FBXL4: variants seen among roughly 807,000 people sequenced by gnomAD.
FBXL4 encodes the protein F-box and leucine rich repeat protein 4, also known as F-box/LRR-repeat protein 4.
Under a neutral mutation model 58.9 loss-of-function variants are expected in FBXL4, and 40 were observed. The ratio of observed to expected loss-of-function variants is 0.68; its 90% CI spans 0.53 to 0.88. FBXL4 has a LOEUF of 0.88. FBXL4 is among the 40% of genes least tolerant of loss of function. FBXL4 has a pLI of 0.00. For synonymous variants in FBXL4, 263 were observed against 265.5 expected (o/e 0.99, Z 0.09); for missense variants, 676 against 734.4 (o/e 0.92, Z 0.92).
In FBXL4 at chr6:98,926,895, T is replaced by C. The variant is rs1772805623; in HGVS notation, c.94A>G (p.Met32Val). 2 of 1,614,082 alleles carry C rather than the reference T, an allele frequency of 1.2e-6. No individual in the cohort carries two copies. Among genetic ancestry groups the C allele is most frequent in the African/African-American group, 2.7e-5 (2 of 74,932 alleles). ...GATTCTATAGCTCTATGGGTGTTCA[T>C]CATTTCTCCTCTTGTAGCTGTCCTG... ...RARTATRGEM[M>V]NTHRAIESNS... Residue 32 changes from methionine to valine, a missense_variant, in exon 4 of 10, where the codon ATG becomes GTG. Met to Val is a conservative substitution (Grantham distance 21, BLOSUM62 1). Transcript: ENST00000369244.
chr6:98,886,414 T>C (rs565938935), intron 7 of FBXL4, among the ~76,000 whole-genome samples: 123 of 152,336 alleles, frequency 8.1e-4, no homozygotes, highest in African/African-American at 2.9e-3. Context: ...TTAGTAATCC[T>C]GTGTCCAATT....
intron 1 of FBXL4, among the ~76,000 whole-genome samples, chr6:98,939,805 C>T (rs1028407165): frequency 6.6e-6 from 1 of 152,186 alleles, no homozygotes; most frequent in South Asian, 2.1e-4. Flanking sequence ...ATGAAAAATA[C>T]GTGAGAATCA....
chr6:98,897,099 T>C (rs1771436628), intron 7 of FBXL4: 18 of 982,958 alleles, frequency 1.8e-5, no homozygotes, highest in Non-Finnish European at 2.2e-5. Flanking sequence ...AAAGGCTCAT[T>C]TAATAACTAC....
rs995708161 is a variant in FBXL4 at position 98,917,655 on chromosome 6, G to C, written c.577C>G (p.Pro193Ala). 5.0e-6 allele frequency: 8 copies of C among 1,613,082 alleles called. No individual in the cohort carries two copies. Among genetic ancestry groups the C allele is most frequent in the Non-Finnish European group, 8.5e-7 (1 of 1,179,618 alleles). ...VNASQARQFK[P>A]CIKQINFPTN... ...GGGAAATTTATCTGCTTAATACAAG[G>C]TTTAAACTGGCGAGCTTGGGAAGCA... Residue 193 changes from proline to alanine, a missense_variant, in exon 5 of 10, where the codon CCT (proline) becomes GCT (alanine). Transcript: ENST00000369244.
At chr6:98,943,162 T>C (rs1773494994) in intron 1 of FBXL4, among the ~76,000 whole-genome samples, 1 of 151,994 alleles carries the variant, frequency 6.6e-6, no homozygotes, top group African/African-American at 2.4e-5. Flanking sequence ...TTACCATAGG[T>C]GGAAACTGGG....
chr6:98,942,926 A>C (rs1276488787), intron 1 of FBXL4, among the ~76,000 whole-genome samples: 4 of 152,144 alleles, frequency 2.6e-5, no homozygotes, highest in Non-Finnish European at 5.9e-5. Context: ...ACTAGATTAA[A>C]TTGTCCTATT....
chr6:98,878,288 A>C (rs1407483851), intron 8 of FBXL4, among the ~76,000 whole-genome samples: 1 of 152,230 alleles, frequency 6.6e-6, no homozygotes, highest in African/African-American at 2.4e-5. Flanking sequence ...ATATAGAAAA[A>C]TGAGTTCAGT....
intron 7 of FBXL4, among the ~76,000 whole-genome samples, chr6:98,890,825 A>T (rs1771200349): frequency 6.6e-6 from 1 of 152,164 alleles, no homozygotes; most frequent in African/African-American, 2.4e-5. Context: ...AGGCTGCAGC[A>T]GGAGAATTGC....
At chr6:98,927,893 T>G (rs1443216824) in intron 2 of FBXL4, 71 bp from the exon 3 acceptor site, 2 of 152,218 alleles carry the variant, frequency 1.3e-5, no homozygotes, top group Admixed American at 1.3e-4. Context: ...AAATTATAAA[T>G]AGCCACTTAT....
At chr6:98,902,985 A>T (rs1340272197) in intron 6 of FBXL4, among the ~76,000 whole-genome samples, 2 of 152,140 alleles carry the variant, frequency 1.3e-5, no homozygotes, top group East Asian at 3.9e-4. Flanking sequence ...AACAATTCTT[A>T]AAAAGTTATT....
intron 7 of FBXL4, 23 bp downstream of exon 7, chr6:98,899,245 T>C (rs201790116): frequency 8.1e-6 from 13 of 1,609,318 alleles, no homozygotes; most frequent in Non-Finnish European, 2.5e-6. Context: ...ATAGCAATGA[T>C]GAAAATTATG....
chr6:98,921,162 T>C (rs1156255619), intron 4 of FBXL4, among the ~76,000 whole-genome samples: 2 of 152,254 alleles, frequency 1.3e-5, no homozygotes, highest in Non-Finnish European at 2.9e-5. Flanking sequence ...TTTCTGTTGA[T>C]TGTACTGGAT....
intron 8 of FBXL4, 85 bp from the exon 9 acceptor site, chr6:98,875,812 C>T (rs1770642421): frequency 1.5e-6 from 2 of 1,335,878 alleles, no homozygotes; most frequent in East Asian, 4.6e-5. Context: ...TAATTATAAC[C>T]TATTGCTTTG....
intron 1 of FBXL4, among the ~76,000 whole-genome samples, chr6:98,941,440 G>T (rs2128413010): frequency 6.6e-6 from 1 of 152,214 alleles, no homozygotes; most frequent in East Asian, 1.9e-4. Flanking sequence ...AACCACAAAG[G>T]GGCCACACAA....
At chr6:98,944,916 C>G (rs1336969145) in intron 1 of FBXL4, among the ~76,000 whole-genome samples, 1 of 152,048 alleles carries the variant, frequency 6.6e-6, no homozygotes, top group African/African-American at 2.4e-5. Flanking sequence ...GGCTACCGTT[C>G]CTGTTGTGCT....
Position 98,926,547 on chromosome 6 carries a change from G to A in FBXL4, c.442C>T (p.Pro148Ser), listed in dbSNP as rs781254899. 2 of 1,613,992 alleles carry A rather than the reference G, an allele frequency of 1.2e-6. No individual in the cohort carries two copies. The highest frequency in any genetic ancestry group is 2.2e-5 in the East Asian group (1 of 44,882). ...TAVHVLETYHPGAVIRILACS... is the reference protein window; with the variant it reads ...TAVHVLETYHSGAVIRILACS... ...GCGAGAATTCTAATGACTGCTCCGG[G>A]ATGATAGGTTTCTAGAACATGTACA... is the stretch of plus-strand genomic sequence containing the variant. The change falls in exon 4 of 10, where the codon CCC becomes TCC. Residue 148 changes from proline (P) to serine (S), a missense_variant. Coordinates refer to ENST00000369244, the MANE Select transcript of FBXL4 (RefSeq NM_001278716.2).
At chr6:98,920,476 A>T (rs1291214006) in intron 4 of FBXL4, among the ~76,000 whole-genome samples, 8 of 152,074 alleles carry the variant, frequency 5.3e-5, no homozygotes, top group Non-Finnish European at 1.2e-4. Flanking sequence ...AATATTAAAA[A>T]TTTCCAAGTA....
intron 1 of FBXL4, among the ~76,000 whole-genome samples, chr6:98,938,383 C>T (rs1185607085): frequency 2.0e-5 from 3 of 152,108 alleles, no homozygotes; most frequent in Non-Finnish European, 2.9e-5. Context: ...GAATATACTT[C>T]GACACCTTCA....
chr6:98,880,388 T>C (rs1018297684), intron 8 of FBXL4, among the ~76,000 whole-genome samples, 165 bp downstream of exon 8: 1 of 152,210 alleles, frequency 6.6e-6, no homozygotes, highest in African/African-American at 2.4e-5. Flanking sequence ...AAAGACATAC[T>C]TTCCAATTTA....
Sources: allele counts gnomAD v4.1 joint callset (sites outside exome capture counted in the v4.1 genomes callset), GRCh38; gene constraint gnomAD v4.1.1; transcripts MANE v1.5; gene names NCBI Gene and HGNC (gene_info 2026-07-23, HGNC 2026-07-21).